Variants in HMGB1 observed in about 807,000 individuals in gnomAD.
The protein encoded by HMGB1 is high mobility group protein B1.
For missense variants in HMGB1, 79 were observed against 253.5 expected (o/e 0.31, Z 4.67); for synonymous variants, 81 against 84.0 (o/e 0.96, Z 0.19).
At chr13:30,602,685 T>G (rs990412743) in intron 1 of HMGB1, among the ~76,000 whole-genome samples, 21 of 152,364 alleles carry the variant, frequency 1.4e-4, no homozygotes, top group African/African-American at 4.6e-4. Context: ...ATCACTGATG[T>G]TTTAGAACTC....
At chr13:30,549,326 T>A (rs540126561) in intron 1 of HMGB1, among the ~76,000 whole-genome samples, 1 of 152,282 alleles carries the variant, frequency 6.6e-6, no homozygotes, top group South Asian at 2.1e-4. Flanking sequence ...TGGGGCAGCA[T>A]CTCTGTATTT....
At chr13:30,463,902 C>A in intron 1 of HMGB1, 1 of 482,934 alleles carries the variant, frequency 2.1e-6, no homozygotes, top group Non-Finnish European at 3.5e-6. Flanking sequence ...AAAAACAGTC[C>A]TTCAGGGCGA....
chr13:30,464,371 G>T (rs1886572938), intron 1 of HMGB1: 2 of 985,450 alleles, frequency 2.0e-6, no homozygotes, highest in South Asian at 4.7e-5. Flanking sequence ...CAAGGATGAG[G>T]GACAAAAGCC....
At position 30,459,964 on chromosome 13, in the gene HMGB1, A is replaced by G. The variant is rs548326525; in HGVS notation, c.*1393T>C. 5.2e-5 allele frequency: 8 copies of G among 152,752 alleles called. No homozygotes were observed. In the South Asian group the frequency reaches 1.4e-3, roughly 28 times the overall value. The allele number at this position is 152,752 out of a possible 1,614,324, so 9.5% of individuals were successfully genotyped here. A position where few individuals can be genotyped will look rare whatever the true frequency, so the allele number is the denominator to read the frequency against. The stretch of plus-strand genomic sequence containing the variant: ...TGGAAAGAATCCAAGTCTAAATTAT[A>G]TAACAAAACAGCACTCCATCACAAA... On this transcript the variant is annotated 3_prime_UTR_variant, in exon 5 of 5. Transcript: ENST00000341423.
At chr13:30,583,097 C>T (rs558892295) in intron 1 of HMGB1, among the ~76,000 whole-genome samples, 81 of 151,992 alleles carry the variant, frequency 5.3e-4, no homozygotes, top group African/African-American at 2.0e-3. Context: ...GAACTCCTGG[C>T]TTCAAGGGAT....
Position 30,463,514 on chromosome 13 carries a change from G to GT in HMGB1, c.150+16dup. 6.2e-7 allele frequency: 1 copy of GT among 1,605,524 alleles called. No homozygotes were observed. Reference sequence around the variant, plus strand: ...TGTCTTTTAATTACCTTGTTAGCATGTTTTAAGCCCTCTTACCTTCCACCT... The same window carrying GT: ...TGTCTTTTAATTACCTTGTTAGCATGTTTTTAAGCCCTCTTACCTTCCACCT... On this transcript the variant is annotated intron_variant, in intron 2 of 4. Transcript: ENST00000341423.
intron 1 of HMGB1, among the ~76,000 whole-genome samples, chr13:30,493,809 A>G (rs2137444326): frequency 6.6e-6 from 1 of 152,134 alleles, no homozygotes; most frequent in African/African-American, 2.4e-5. Flanking sequence ...TACATAGAAC[A>G]AAACAAAAAC....
intron 1 of HMGB1, among the ~76,000 whole-genome samples, chr13:30,513,414 G>T (rs908447906): frequency 6.6e-6 from 1 of 152,182 alleles, no homozygotes; most frequent in Non-Finnish European, 1.5e-5. Flanking sequence ...TGTGCTCACT[G>T]TAACACCAAA....
At chr13:30,531,063 A>G (rs1271865716) in intron 1 of HMGB1, among the ~76,000 whole-genome samples, 2 of 152,182 alleles carry the variant, frequency 1.3e-5, no homozygotes, top group Admixed American at 6.5e-5. Flanking sequence ...AATAAAAAAC[A>G]AGTGCACACA....
At chr13:30,554,867 T>G (rs1266832163) in intron 1 of HMGB1, among the ~76,000 whole-genome samples, 1 of 152,056 alleles carries the variant, frequency 6.6e-6, no homozygotes, top group Non-Finnish European at 1.5e-5. Flanking sequence ...GAACCACTGA[T>G]GTGCAAAACA....
intron 1 of HMGB1, among the ~76,000 whole-genome samples, chr13:30,489,570 G>A (rs1040587228): frequency 5.9e-5 from 9 of 152,098 alleles, no homozygotes; most frequent in African/African-American, 2.2e-4. Context: ...CTAATAGCAC[G>A]TGTAGCTCTC....
At chr13:30,603,899 C>CT (rs923095484) in intron 1 of HMGB1, among the ~76,000 whole-genome samples, 22 of 151,976 alleles carry the variant, frequency 1.4e-4, no homozygotes, top group African/African-American at 5.1e-4. Flanking sequence ...AGAATAGATG[C>CT]TTTTTTTTCT....
At chr13:30,609,447 GTTTGA>G (rs1950493399) in intron 1 of HMGB1, among the ~76,000 whole-genome samples, 2 of 152,126 alleles carry the variant, frequency 1.3e-5, no homozygotes, top group Non-Finnish European at 2.9e-5. Context: ...AACAATGCAG[GTTTGA>G]ACTGCCTGGG....
At chr13:30,608,609 C>T (rs569746079) in intron 1 of HMGB1, among the ~76,000 whole-genome samples, 13 of 152,290 alleles carry the variant, frequency 8.5e-5, no homozygotes, top group African/African-American at 3.1e-4. Context: ...CTCTTCTTTC[C>T]ATTTGGGATT....
At chr13:30,478,610 G>T (rs1268930621) in intron 1 of HMGB1, among the ~76,000 whole-genome samples, 2 of 152,180 alleles carry the variant, frequency 1.3e-5, no homozygotes, top group African/African-American at 4.8e-5. Context: ...AAGACTGAAA[G>T]AATATACTAA....
At chr13:30,470,660 T>A, upstream of HMGB1, among the ~76,000 whole-genome samples, 1 of 152,228 alleles carries the variant, frequency 6.6e-6, no homozygotes, top group African/African-American at 2.4e-5. Context: ...TATTTTATTT[T>A]TTTTTTGAGA....
At chr13:30,555,770 T>A (rs7321776) in intron 1 of HMGB1, among the ~76,000 whole-genome samples, 16 of 152,222 alleles carry the variant, frequency 1.1e-4, no homozygotes, top group African/African-American at 3.9e-4. Flanking sequence ...CATTGGAATA[T>A]GTTGTTTTGT....
intron 1 of HMGB1, among the ~76,000 whole-genome samples, chr13:30,538,743 T>TC (rs1171088769): frequency 2.7e-4 from 40 of 147,918 alleles, no homozygotes; most frequent in African/African-American, 9.6e-4. Context: ...TCTTTCTTTC[T>TC]TCTTTTTCTT....
intron 1 of HMGB1, among the ~76,000 whole-genome samples, chr13:30,483,512 C>G (rs920722278): frequency 1.3e-5 from 2 of 152,060 alleles, no homozygotes; most frequent in Non-Finnish European, 2.9e-5. Context: ...TAGGAAACTC[C>G]GAGTGACGTT....
Sources: allele counts gnomAD v4.1 joint callset (sites outside exome capture counted in the v4.1 genomes callset), GRCh38; gene constraint gnomAD v4.1.1; transcripts MANE v1.5; gene names NCBI Gene and HGNC (gene_info 2026-07-23, HGNC 2026-07-21).